TCF12: variants seen among roughly 807,000 people sequenced by gnomAD.
TCF12 encodes the protein transcription factor 12, also known as DNA-binding protein HTF4.
In TCF12, 45 loss-of-function variants were observed where a neutral mutation model predicts 86.0. That is an observed-to-expected ratio of 0.52 (90% confidence interval 0.41 to 0.67). The LOEUF is 0.67. Ranked by LOEUF, TCF12 falls within the 30% of genes least tolerant of loss-of-function variation. The pLI is 0.00. For synonymous variants in TCF12, 330 were observed against 299.6 expected (o/e 1.10, Z -1.05); for missense variants, 881 against 859.9 (o/e 1.02, Z -0.31).
chr15:57,038,749 TG>T (rs1300353162), intron 3 of TCF12, among the ~76,000 whole-genome samples: 3 of 152,234 alleles, frequency 2.0e-5, no homozygotes, highest in Non-Finnish European at 2.9e-5. Context: ...ACTGCTACTT[TG>T]GGAACAGGAG....
intron 3 of TCF12, among the ~76,000 whole-genome samples, chr15:57,053,350 C>T (rs1486069160): frequency 6.6e-6 from 1 of 152,002 alleles, no homozygotes; most frequent in African/African-American, 2.4e-5. Context: ...GTAGGGGTTT[C>T]TTATGTATGT....
Position 57,273,001 on chromosome 15 carries a change from A to G in TCF12, c.1746-29A>G, listed in dbSNP as rs76965356. 3 of 1,601,746 alleles carry G rather than the reference A, an allele frequency of 1.9e-6. No homozygotes were observed. In the East Asian group the frequency reaches 6.7e-5, roughly 36 times the overall value. Reference sequence around the variant, plus strand: ...CATATCTTACTTTATAGGAAACCTAATAGACCTTGTTGTTACTTTATTTTC... The same window carrying G: ...CATATCTTACTTTATAGGAAACCTAGTAGACCTTGTTGTTACTTTATTTTC... On this transcript the variant is annotated intron_variant, in intron 18 of 20. Transcript: ENST00000333725.
chr15:57,137,181 G>C (rs1430409338), intron 5 of TCF12, among the ~76,000 whole-genome samples: 1 of 151,468 alleles, frequency 6.6e-6, no homozygotes, highest in Non-Finnish European at 1.5e-5. Flanking sequence ...CGGTTTCACC[G>C]CATTAGCCAG....
chr15:56,919,787 G>A (rs1015950815), intron 1 of TCF12, 105 bp from the exon 2 acceptor site: 11 of 989,212 alleles, frequency 1.1e-5, no homozygotes, highest in Middle Eastern at 3.2e-4. Flanking sequence ...AAGTCATCCC[G>A]GCGCCCCCAG....
chr15:57,121,731 C>G (rs948133095), intron 5 of TCF12, among the ~76,000 whole-genome samples: 2 of 152,192 alleles, frequency 1.3e-5, no homozygotes, highest in Non-Finnish European at 2.9e-5. Flanking sequence ...GTCTCTAGAA[C>G]CATGAGAAAT....
At chr15:57,104,378 A>C (rs1171182026) in intron 5 of TCF12, among the ~76,000 whole-genome samples, 1 of 151,420 alleles carries the variant, frequency 6.6e-6, no homozygotes, top group African/African-American at 2.4e-5. Flanking sequence ...TATACTAAGC[A>C]CGTTGATTCT....
At chr15:57,267,766 A>G (rs1003860952) in intron 18 of TCF12, among the ~76,000 whole-genome samples, 4 of 152,214 alleles carry the variant, frequency 2.6e-5, no homozygotes, top group Non-Finnish European at 5.9e-5. Flanking sequence ...AGTCCATAAT[A>G]ATGAATAGGT....
intron 13 of TCF12, chr15:57,246,954 T>A: frequency 1.9e-6 from 1 of 533,236 alleles, no homozygotes; most frequent in South Asian, 1.4e-5. Flanking sequence ...CCTTTTCTGC[T>A]GTTTTTAGAA....
intron 5 of TCF12, among the ~76,000 whole-genome samples, chr15:57,147,802 G>T (rs564463229): frequency 6.6e-6 from 1 of 151,196 alleles, no homozygotes; most frequent in Non-Finnish European, 1.5e-5. Flanking sequence ...TTTATAATAG[G>T]AAAAGGGGAA....
chr15:57,180,164 A>C (rs1252609854), intron 6 of TCF12, among the ~76,000 whole-genome samples: 1 of 152,214 alleles, frequency 6.6e-6, no homozygotes, highest in Non-Finnish European at 1.5e-5. Flanking sequence ...AATCATTTGT[A>C]GAAAATTAAC....
chr15:57,155,323 AT>A (rs1340633975), intron 5 of TCF12, among the ~76,000 whole-genome samples: 1 of 152,008 alleles, frequency 6.6e-6, no homozygotes, highest in Non-Finnish European at 1.5e-5. Context: ...TAAGATTTTT[AT>A]TTTGAGTTAT....
chr15:57,125,051 A>G (rs2051538288), intron 5 of TCF12, among the ~76,000 whole-genome samples: 2 of 152,294 alleles, frequency 1.3e-5, no homozygotes, highest in Non-Finnish European at 2.9e-5. Flanking sequence ...ATGTCTAAGC[A>G]TTGCCTTAGC....
intron 6 of TCF12, 122 bp downstream of exon 6, chr15:57,166,588 AAGTG>A: frequency 1.2e-6 from 1 of 822,996 alleles, no homozygotes; most frequent in Non-Finnish European, 1.8e-6. Flanking sequence ...ATTTGTAACT[AAGTG>A]TTGTTTTTTG....
chr15:56,992,126 T>A (rs1274801201), intron 3 of TCF12, among the ~76,000 whole-genome samples: 2 of 149,914 alleles, frequency 1.3e-5, no homozygotes, highest in Non-Finnish European at 3.0e-5. Flanking sequence ...AAAAACCTAG[T>A]TGGGCATGGT....
chr15:57,225,220 CTTTTTTTTTTTTTTTTTTT>C (rs139530756), intron 8 of TCF12, among the ~76,000 whole-genome samples: 1 of 39,770 alleles, frequency 2.5e-5, no homozygotes, highest in Non-Finnish European at 4.3e-5. Flanking sequence ...CTGATATATG[CTTTTTTTTTTTTTTTTTTT>C]TTTTTTTTTT....
intron 5 of TCF12, among the ~76,000 whole-genome samples, chr15:57,117,835 G>C (rs1292892694): frequency 6.6e-6 from 1 of 152,004 alleles, no homozygotes; most frequent in African/African-American, 2.4e-5. Flanking sequence ...TGGTTTTATA[G>C]ACTATAAACA....
chr15:57,179,423 G>T (rs1397025043), intron 6 of TCF12, among the ~76,000 whole-genome samples: 1 of 152,224 alleles, frequency 6.6e-6, no homozygotes, highest in Non-Finnish European at 1.5e-5. Flanking sequence ...AGGAGGTGGA[G>T]GCTGCAGTGA....
intron 7 of TCF12, among the ~76,000 whole-genome samples, chr15:57,193,182 C>A (rs1282160961): frequency 6.6e-6 from 1 of 152,142 alleles, no homozygotes; most frequent in Non-Finnish European, 1.5e-5. Flanking sequence ...ATAATTAGTA[C>A]TTAGGATAAA....
intron 14 of TCF12, 83 bp from the exon 15 acceptor site, chr15:57,252,338 C>T (rs2060155665): frequency 7.4e-6 from 7 of 950,034 alleles, no homozygotes; most frequent in Admixed American, 1.9e-5. Flanking sequence ...GTTATGCTGA[C>T]ATGCATATCA....
Sources: allele counts gnomAD v4.1 joint callset (sites outside exome capture counted in the v4.1 genomes callset), GRCh38; gene constraint gnomAD v4.1.1; transcripts MANE v1.5; gene names NCBI Gene and HGNC (gene_info 2026-07-23, HGNC 2026-07-21).